Variants in ZC2HC1B observed in about 807,000 individuals in gnomAD.
ZC2HC1B encodes the protein zinc finger C2HC domain-containing protein 1B.
ZC2HC1B carries 36 observed loss-of-function variants against 31.0 expected under a neutral mutation model. The observed-to-expected ratio is 1.16, with a 90% CI of 0.89 to 1.54. The LOEUF is 1.54. ZC2HC1B is among the 40% of genes most tolerant of loss of function. The pLI is 0.00. For missense variants in ZC2HC1B, 260 were observed against 268.6 expected (o/e 0.97, Z 0.22); for synonymous variants, 73 against 88.0 (o/e 0.83, Z 0.95).
chr6:143,867,499 C>G (rs903237655), intron 1 of ZC2HC1B, among the ~76,000 whole-genome samples: 1 of 152,194 alleles, frequency 6.6e-6, no homozygotes, highest in Non-Finnish European at 1.5e-5. Flanking sequence ...CATCCAGGAT[C>G]TGCAGAAATA....
chr6:143,880,921 A>G (rs753692540), intron 1 of ZC2HC1B, among the ~76,000 whole-genome samples: 16 of 152,224 alleles, frequency 1.1e-4, no homozygotes, highest in Non-Finnish European at 1.9e-4. Context: ...TTAAATAACT[A>G]TAGTACAATA....
rs1777523650 is a variant in ZC2HC1B at position 143,885,689 on chromosome 6, T to C, written c.91-343T>C. ...GGTACACAGGGAAAGCTCTGCATGT[T>C]AGCTCTTCAGTTTTTGTATCAGAAA... On this transcript the variant is annotated intron_variant, in intron 2 of 7. Coordinates refer to ENST00000237275, the MANE Select transcript of ZC2HC1B (RefSeq NM_001013623.3). This position sits in a 1 kb window ranked among gnomAD's most constrained non-coding sequence, Gnocchi z 4.2. Among the ~76,000 whole-genome samples the C allele has an allele frequency of 6.6e-6, 1 of 152,188 alleles. No individual in the cohort carries two copies. The highest frequency in any genetic ancestry group is 2.1e-4 in the South Asian group (1 of 4,834).
intron 4 of ZC2HC1B, among the ~76,000 whole-genome samples, chr6:143,888,840 G>A (rs1777563620): frequency 1.3e-5 from 2 of 152,086 alleles, no homozygotes; most frequent in South Asian, 4.1e-4. Flanking sequence ...ACCTGAAACA[G>A]AGATAAGTTT....
At chr6:143,906,339 T>A (rs1271797551) in intron 6 of ZC2HC1B, among the ~76,000 whole-genome samples, 1 of 152,154 alleles carries the variant, frequency 6.6e-6, no homozygotes, top group Non-Finnish European at 1.5e-5. Flanking sequence ...CATAATACTC[T>A]CATGAAATCC....
chr6:143,919,217 CTGTGTGTGTGTG>C (rs71024878), intron 6 of ZC2HC1B, among the ~76,000 whole-genome samples: 135 of 123,702 alleles, frequency 1.1e-3, no homozygotes, highest in East Asian at 3.2e-3. Context: ...TTGCTATTCT[CTGTGTGTGTGTG>C]TGTGTGTGTG....
chr6:143,914,556 T>C (rs1292926593), intron 6 of ZC2HC1B, among the ~76,000 whole-genome samples: 2 of 152,086 alleles, frequency 1.3e-5, no homozygotes, highest in African/African-American at 4.8e-5. Flanking sequence ...TTGAGTAGAG[T>C]GTTCTGAATA....
chr6:143,920,648 C>T (rs952302122), intron 6 of ZC2HC1B, among the ~76,000 whole-genome samples: 1 of 152,110 alleles, frequency 6.6e-6, no homozygotes, highest in Non-Finnish European at 1.5e-5. Context: ...TGGTGGCTCA[C>T]ACCTGTAATC....
intron 6 of ZC2HC1B, among the ~76,000 whole-genome samples, chr6:143,916,098 AGC>A: frequency 6.6e-6 from 1 of 152,188 alleles, no homozygotes; most frequent in Non-Finnish European, 1.5e-5. Context: ...TTGTGGGCCA[AGC>A]CCAGCATCCA....
chr6:143,884,928 T>C lies in ZC2HC1B; in HGVS notation c.90+563T>C, dbSNP rs1777512599. On this transcript the variant is annotated intron_variant, in intron 2 of 7. Transcript: ENST00000237275. This position sits in a 1 kb window ranked among gnomAD's most constrained non-coding sequence, Gnocchi z 5.1. ...TGTACAGATTCAAGCTAACGGCATG[T>C]CAAGTCCCCGATTGATGGCTATAAA... 6.6e-6 allele frequency among the ~76,000 whole-genome samples: 1 copy of C among 152,194 alleles called. No homozygotes were observed. Among genetic ancestry groups the C allele is most frequent in the Admixed American group, 6.5e-5 (1 of 15,272 alleles).
At chr6:143,890,117 G>A (rs1420300561) in intron 4 of ZC2HC1B, among the ~76,000 whole-genome samples, 2 of 152,082 alleles carry the variant, frequency 1.3e-5, no homozygotes, top group Admixed American at 6.6e-5. Flanking sequence ...GAATGATAAT[G>A]AAAACATCTA....
chr6:143,920,948 C>T (rs1050402839), intron 6 of ZC2HC1B, among the ~76,000 whole-genome samples: 9 of 151,610 alleles, frequency 5.9e-5, no homozygotes, highest in Admixed American at 2.0e-4. Context: ...TTCCATAATA[C>T]CATCTGAGCT....
chr6:143,882,334 T>TTTATATATATA lies in ZC2HC1B; in HGVS notation c.29-1969_29-1968insTATATATATAT, dbSNP rs1554237237. Among the ~76,000 whole-genome samples, 104 of 85,528 alleles carry TTTATATATATA rather than the reference T, an allele frequency of 1.2e-3. No homozygotes were observed. In the East Asian group the frequency reaches 0.015, roughly 12 times the overall value. The allele number at this position is 85,528 out of a possible 152,430, so 56.1% of individuals were successfully genotyped here. A position where few individuals can be genotyped will look rare whatever the true frequency, so the allele number is the denominator to read the frequency against. ...AATATGTATACATATTTTATATTTTTTATATATATATATATATATATATAT... is the reference window on the plus strand; with the variant it reads ...AATATGTATACATATTTTATATTTTTTTATATATATATATATATATATATATATATATATAT... On this transcript the variant is annotated intron_variant, in intron 1 of 7. Transcript: ENST00000237275.
chr6:143,933,000 CG>C (rs1471941424), intron 6 of ZC2HC1B, among the ~76,000 whole-genome samples: 2 of 152,144 alleles, frequency 1.3e-5, no homozygotes, highest in Non-Finnish European at 2.9e-5. Flanking sequence ...AATTTGTCTT[CG>C]GGTCTACCAG....
rs1048319209 is a variant in ZC2HC1B at position 143,911,090 on chromosome 6, A to T, written c.598+7938A>T. Among the ~76,000 whole-genome samples the T allele has an allele frequency of 1.3e-5, 2 of 152,166 alleles. No homozygotes were observed. Among genetic ancestry groups the T allele is most frequent in the Non-Finnish European group, 2.9e-5 (2 of 68,026 alleles). ...AAAGCCTGTTTTGTCAGAAACTAGG[A>T]TTGCAACCCCTGCTTTTTTCAATAT... is the stretch of plus-strand genomic sequence containing the variant. On this transcript the variant is annotated intron_variant, in intron 6 of 7. Coordinates refer to ENST00000237275, the MANE Select transcript of ZC2HC1B (RefSeq NM_001013623.3). The surrounding 1 kb of genome is among the most constrained non-coding windows in gnomAD (Gnocchi z 4.5).
chr6:143,933,800 C>A lies in ZC2HC1B; in HGVS notation c.599-3849C>A, dbSNP rs1389751710. Among the ~76,000 whole-genome samples, 2 of 152,238 alleles carry A rather than the reference C, an allele frequency of 1.3e-5. No homozygotes were observed. The highest frequency in any genetic ancestry group is 4.8e-5 in the African/African-American group (2 of 41,458). On this transcript the variant is annotated intron_variant, in intron 6 of 7. Coordinates refer to ENST00000237275, the MANE Select transcript of ZC2HC1B (RefSeq NM_001013623.3). The surrounding 1 kb of genome is among the most constrained non-coding windows in gnomAD (Gnocchi z 6.4). Reference sequence around the variant, plus strand: ...GCTTTCAGGCCACACCTTTGCCAATCTGCCACACTGTCAGCCGCATCTCCA... The same window carrying A: ...GCTTTCAGGCCACACCTTTGCCAATATGCCACACTGTCAGCCGCATCTCCA...
chr6:143,937,546 G>T, intron 6 of ZC2HC1B, 103 bp from the exon 7 acceptor site: 4 of 850,852 alleles, frequency 4.7e-6, no homozygotes, highest in Admixed American at 3.5e-5. Flanking sequence ...AAAAAAGGAA[G>T]AATAGAAACT....
rs960045902 is a variant in ZC2HC1B, at chr6:143,901,226, A to ATTTC, written c.490-1799_490-1796dup. The stretch of plus-strand genomic sequence containing the variant: ...TCTACAGTCAGTAGTCAGGGTTTGA[A>ATTTC]TTTCTTTCTTTCTTTCTTTCTTCCT... On this transcript the variant is annotated intron_variant, in intron 5 of 7. Transcript: ENST00000237275. Among the ~76,000 whole-genome samples the ATTTC allele has an allele frequency of 1.9e-4, 25 of 129,596 alleles. No individual in the cohort carries two copies. The South Asian group carries it at 2.5e-3, about 13-fold the overall frequency. 85.0% of individuals were successfully genotyped at this position (129,596 alleles called of 152,430 possible). A position where few individuals can be genotyped will look rare whatever the true frequency, so the allele number is the denominator to read the frequency against.
At chr6:143,892,183 C>G (rs1045706097) in intron 4 of ZC2HC1B, among the ~76,000 whole-genome samples, 1 of 151,978 alleles carries the variant, frequency 6.6e-6, no homozygotes, top group Non-Finnish European at 1.5e-5. Context: ...CTGCTTCTCT[C>G]GAGGATCTCA....
At position 143,898,737 on chromosome 6, in the gene ZC2HC1B, T is replaced by G. The variant is rs755392526; in HGVS notation, c.489+46T>G. The G allele has an allele frequency of 5.2e-6, 8 of 1,548,412 alleles. No homozygotes were observed. In the South Asian group the frequency reaches 8.3e-5, roughly 16 times the overall value. On this transcript the variant is annotated intron_variant, in intron 5 of 7. Transcript: ENST00000237275. ...GTTGGCTCTTGTGCCCTTGAATGCC[T>G]AGGGGTGAGCCGGTAGAACTCCCTA...
Sources: gnomAD v4.1 joint callset for allele counts (sites outside exome capture counted in the v4.1 genomes callset) on GRCh38, gnomAD v4.1.1 for gene constraint, Gnocchi (gnomAD v3.1) non-coding constraint, MANE v1.5 for transcripts, NCBI Gene and HGNC (gene_info 2026-07-23, HGNC 2026-07-21) for gene names.